Variants in FAM98B observed in about 807,000 individuals in gnomAD.
FAM98B encodes the protein tRNA-splicing ligase complex subunit FAM98B.
FAM98B carries 32 observed loss-of-function variants against 43.9 expected under a neutral mutation model. That is an observed-to-expected ratio of 0.73 (90% confidence interval 0.55 to 0.98). FAM98B has a LOEUF of 0.98. Among genes scored for constraint, FAM98B ranks in the 50% least tolerant of loss-of-function variants. The probability of loss-of-function intolerance (pLI) is 0.00; values close to 1 mark genes in which losing one functional copy is unlikely to be tolerated. For missense variants in FAM98B, 514 were observed against 522.9 expected, an observed-to-expected ratio of 0.98 and a Z score of 0.17; for synonymous variants, 190 against 174.0, an observed-to-expected ratio of 1.09 and a Z score of -0.72.
intron 7 of FAM98B, chr15:38,482,847 A>C (rs558332287): frequency 6.6e-6 from 1 of 152,312 alleles, no homozygotes; most frequent in Admixed American, 6.5e-5. Context: ...TTTTTATAGA[A>C]GGTTGGATAC....
At chr15:38,474,512 T>A (rs1480521873) in intron 6 of FAM98B, among the ~76,000 whole-genome samples, 4 of 152,216 alleles carry the variant, frequency 2.6e-5, no homozygotes, top group Admixed American at 2.6e-4. Context: ...ACATTTATTT[T>A]AAACTCATAG....
chr15:38,471,587 G>A (rs1232740128), intron 4 of FAM98B, among the ~76,000 whole-genome samples: 1 of 151,936 alleles, frequency 6.6e-6, no homozygotes, highest in Non-Finnish European at 1.5e-5. Context: ...TTCAAATACT[G>A]GCATACTAAT....
At chr15:38,481,624 T>C (rs1454853368) in intron 7 of FAM98B, 165 bp downstream of exon 7, 2 of 1,549,526 alleles carry the variant, frequency 1.3e-6, no homozygotes, top group Non-Finnish European at 1.7e-6. Context: ...TGTATGTGTG[T>C]ATGTTCACTT....
chr15:38,473,231 A>G (rs1224548450), intron 4 of FAM98B, among the ~76,000 whole-genome samples: 1 of 152,162 alleles, frequency 6.6e-6, no homozygotes, highest in African/African-American at 2.4e-5. Context: ...TAAGACACAG[A>G]TTCTCATAGT....
chr15:38,487,337 T>C lies in FAM98B; in HGVS notation c.*2678T>C, dbSNP rs1169207398. The C allele has an allele frequency of 1.3e-5, 2 of 152,062 alleles. No homozygotes were observed. The highest frequency in any genetic ancestry group is 2.4e-5 in the African/African-American group (1 of 41,420). 9.4% of individuals were successfully genotyped at this position (152,062 alleles called of 1,614,324 possible). ...GGAGGCATGACAACCTAAAAAAAAT[T>C]TGTGACCAGAAAAATGTCCTGAGCA... On this transcript the variant is annotated 3_prime_UTR_variant, in exon 8 of 8. Transcript: ENST00000397609.
At chr15:38,461,315 G>A (rs893093895) in intron 1 of FAM98B, among the ~76,000 whole-genome samples, 1 of 152,118 alleles carries the variant, frequency 6.6e-6, no homozygotes, top group African/African-American at 2.4e-5. Context: ...TGAGCTGGGG[G>A]GTGCAGAAAT....
At chr15:38,481,588 G>C in intron 7 of FAM98B, 129 bp downstream of exon 7, 1 of 1,608,282 alleles carries the variant, frequency 6.2e-7, no homozygotes. Flanking sequence ...GGGGGGTTCA[G>C]TCTAGGCTTA....
At chr15:38,475,745 A>G (rs1164362577) in intron 6 of FAM98B, among the ~76,000 whole-genome samples, 1 of 152,252 alleles carries the variant, frequency 6.6e-6, no homozygotes, top group East Asian at 1.9e-4. Context: ...TCTGTAAGGT[A>G]GCATTCACAG....
At position 38,464,142 on chromosome 15, in the gene FAM98B, CATT is replaced by C; in HGVS notation, c.185_187del (p.Leu62del). ...ATTTGGTTAGGCTCTCAAATAAAAT[CATT>C]ATGCAACTTGGAAGAAAGTATCACG... On this transcript the variant is annotated inframe_deletion, in exon 2 of 8. Coordinates refer to ENST00000397609, the MANE Select transcript of FAM98B (RefSeq NM_173611.4). 6 of 1,613,090 alleles carry C rather than the reference CATT, an allele frequency of 3.7e-6. No homozygotes were observed. Among genetic ancestry groups the C allele is most frequent in the Non-Finnish European group, 5.1e-6 (6 of 1,179,530 alleles).
chr15:38,463,642 A>G (rs1210298856), intron 1 of FAM98B, among the ~76,000 whole-genome samples: 15 of 152,026 alleles, frequency 9.9e-5, no homozygotes, highest in Admixed American at 9.2e-4. Flanking sequence ...TTTTTTCACC[A>G]TATTTTTATT....
At chr15:38,473,624 A>G (rs1401032946) in intron 5 of FAM98B, 39 bp downstream of exon 5, 2 of 1,472,088 alleles carry the variant, frequency 1.4e-6, no homozygotes, top group Admixed American at 1.9e-5. Context: ...ATGTAATTAC[A>G]TTAGTGAATA....
intron 4 of FAM98B, among the ~76,000 whole-genome samples, 191 bp from the exon 5 acceptor site, chr15:38,473,314 G>C (rs1050680642): frequency 5.3e-5 from 8 of 152,130 alleles, no homozygotes; most frequent in Non-Finnish European, 1.0e-4. Context: ...TCTATAGCTT[G>C]AATGAATATA....
intron 2 of FAM98B, among the ~76,000 whole-genome samples, chr15:38,464,765 A>G (rs1402047508): frequency 6.6e-6 from 1 of 152,158 alleles, no homozygotes; most frequent in African/African-American, 2.4e-5. Context: ...TTTTCTTTGA[A>G]AAGTATCCTT....
chr15:38,459,178 T>G (rs1339795597), intron 1 of FAM98B: 3 of 398,600 alleles, frequency 7.5e-6, no homozygotes, highest in Non-Finnish European at 1.5e-5. Context: ...GTAGGCACTG[T>G]GAAGCTAGCA....
Position 38,486,771 on chromosome 15 carries a change from T to C in FAM98B, c.*2112T>C, listed in dbSNP as rs548983825. 7.2e-5 allele frequency: 11 copies of C among 152,286 alleles called. No individual in the cohort carries two copies. The South Asian group carries it at 2.1e-3, about 29-fold the overall frequency. 9.4% of individuals were successfully genotyped at this position (152,286 alleles called of 1,614,324 possible). A position where few individuals can be genotyped will look rare whatever the true frequency, so the allele number is the denominator to read the frequency against. Reference sequence around the variant, plus strand: ...AAGGTGGGATTTTCCTGATAATCTTTGTTCAGTAAAAATTTCTTTTGTAGA... The same window carrying C: ...AAGGTGGGATTTTCCTGATAATCTTCGTTCAGTAAAAATTTCTTTTGTAGA... On this transcript the variant is annotated 3_prime_UTR_variant, in exon 8 of 8. Coordinates refer to ENST00000397609, the MANE Select transcript of FAM98B (RefSeq NM_173611.4).
At chr15:38,463,757 A>G (rs1008205660) in intron 1 of FAM98B, among the ~76,000 whole-genome samples, 13 of 152,178 alleles carry the variant, frequency 8.5e-5, no homozygotes, top group Non-Finnish European at 1.6e-4. Context: ...ATGTTAAAAC[A>G]TAGGAAAAAA....
chr15:38,484,902 CAAA>C lies in FAM98B; in HGVS notation c.*249_*251del. 2.2e-6 allele frequency: 1 copy of C among 452,578 alleles called. No homozygotes were observed. Among genetic ancestry groups the C allele is most frequent in the Non-Finnish European group, 3.5e-6 (1 of 284,772 alleles). 28.0% of individuals were successfully genotyped at this position (452,578 alleles called of 1,614,324 possible). A position where few individuals can be genotyped will look rare whatever the true frequency, so the allele number is the denominator to read the frequency against. On this transcript the variant is annotated 3_prime_UTR_variant, in exon 8 of 8. Coordinates refer to ENST00000397609, the MANE Select transcript of FAM98B (RefSeq NM_173611.4). ...GAGCATGTTGTGTCTTTTTAAAAAA[CAAA>C]AAAAAGAACAAAAATTATTTTTTAA...
chr15:38,463,023 T>C (rs1889973445), intron 1 of FAM98B, among the ~76,000 whole-genome samples: 1 of 152,298 alleles, frequency 6.6e-6, no homozygotes, highest in Middle Eastern at 3.4e-3. Context: ...CTGTGATGGA[T>C]TAAAACACAT....
At position 38,478,172 on chromosome 15, in the gene FAM98B, C is replaced by G. The variant is rs72727355; in HGVS notation, c.730-3120C>G. ...CTTTCAACATTCAGTGACATAGATT[C>G]ATGGGCATGTTTGACCCCTGAACTG... On this transcript the variant is annotated intron_variant, in intron 6 of 7. Coordinates refer to ENST00000397609, the MANE Select transcript of FAM98B (RefSeq NM_173611.4). Among the ~76,000 whole-genome samples, 961 of 152,296 alleles carry G rather than the reference C, an allele frequency of 6.3e-3. 7 individuals carry two copies. The highest frequency in any genetic ancestry group is 9.2e-3 in the Non-Finnish European group (627 of 68,014).
Sources: gnomAD v4.1 joint callset for allele counts (sites outside exome capture counted in the v4.1 genomes callset) on GRCh38, gnomAD v4.1.1 for gene constraint, MANE v1.5 for transcripts, NCBI Gene and HGNC (gene_info 2026-07-23, HGNC 2026-07-21) for gene names.